The following SUN2 variants were observed in gnomAD, a reference collection of about 807,000 sequenced individuals.
SUN2 encodes SUN domain-containing protein 2.
A neutral mutation model predicts 100.0 loss-of-function variants in SUN2; 60 were observed. The ratio of observed to expected loss-of-function variants is 0.60; its 90% CI spans 0.49 to 0.74. The LOEUF (loss-of-function observed/expected upper bound fraction) is 0.74. Ranked by LOEUF, SUN2 falls within the 30% of genes least tolerant of loss-of-function variation. The pLI is 0.00. For missense variants in SUN2, 834 were observed against 954.6 expected, an observed-to-expected ratio of 0.87 and a Z score of 1.66; for synonymous variants, 367 against 403.3, an observed-to-expected ratio of 0.91 and a Z score of 1.08.
Position 38,751,234 on chromosome 22 carries a change from C to G in SUN2, c.262G>C (p.Glu88Gln). The G allele has an allele frequency of 6.2e-7, 1 of 1,613,600 alleles. No homozygotes were observed. Among genetic ancestry groups the G allele is most frequent in the Non-Finnish European group, 8.5e-7 (1 of 1,179,586 alleles). The change falls in exon 3 of 18, where the codon GAA becomes CAA. Residue 88 changes from glutamate to glutamine, a missense_variant. Glu to Gln is a conservative substitution (Grantham distance 29). This residue lies in a region of SUN2 where 559 missense variants were observed against 597.7 expected (regional missense o/e 0.94). Transcript: ENST00000689035. ...CCCCAGTTGGCGTCACCATGCAGTT[C>G]CTCCAGGGAGCTCCTGGGTGGGAAC... ...SWFPPRSSLEELHGDANWGED... is the reference protein window; with the variant it reads ...SWFPPRSSLEQLHGDANWGED...
intron 1 of SUN2, chr22:38,754,640 A>G: frequency 2.7e-6 from 3 of 1,127,674 alleles, no homozygotes; most frequent in Non-Finnish European, 2.3e-6. Context: ...TACGGTCCCT[A>G]CCTGAAGGCT....
chr22:38,752,749 G>A (rs1024240883), intron 1 of SUN2, 84 bp from the exon 2 acceptor site: 23 of 1,439,244 alleles, frequency 1.6e-5, no homozygotes, highest in African/African-American at 1.4e-4. Context: ...CAGAGGCATC[G>A]CCTCACAGCC....
chr22:38,753,210 CTTTTTTTTTTTTT>C (rs869037443), intron 1 of SUN2, among the ~76,000 whole-genome samples: 2 of 86,262 alleles, frequency 2.3e-5, no homozygotes, highest in East Asian at 3.6e-4. Flanking sequence ...CACCTATGTT[CTTTTTTTTTTTTT>C]TTTTTTTTTT....
intron 1 of SUN2, chr22:38,754,586 G>C (rs2092971113): frequency 9.3e-7 from 1 of 1,080,060 alleles, no homozygotes; most frequent in Admixed American, 2.3e-5. Flanking sequence ...CTCTATTCCT[G>C]TCCTTATAAG....
Position 38,741,047 on chromosome 22 carries a change from A to T in SUN2, c.1150T>A (p.Ser384Thr). 6.3e-7 allele frequency: 1 copy of T among 1,596,526 alleles called. No homozygotes were observed. The highest frequency in any genetic ancestry group is 1.7e-5 in the Admixed American group (1 of 57,496). Residue 384 changes from serine to threonine, a missense_variant, in exon 11 of 18, where the codon TCC (serine) becomes ACC (threonine). Transcript: ENST00000689035. ...TTCAGCTGCTGGATGCGAGCCTCGG[A>T]CTCCTGTGTAGGAAGAAGGGACAAA... ...FKKIVRASQE[S>T]EARIQQLKSE...
intron 2 of SUN2, among the ~76,000 whole-genome samples, chr22:38,751,808 G>A (rs555559859): frequency 4.6e-5 from 7 of 152,328 alleles, no homozygotes; most frequent in East Asian, 1.9e-4. Flanking sequence ...TGCTGAGGCC[G>A]GACAGGTGGT....
At chr22:38,744,261 CAA>C (rs35027225) in intron 8 of SUN2, among the ~76,000 whole-genome samples, 939 of 60,694 alleles carry the variant, frequency 0.015, 4 homozygotes, top group African/African-American at 0.044. Context: ...GACTCTGTCT[CAA>C]AAAAAAAAAA....
intron 1 of SUN2, chr22:38,754,640 AC>A: frequency 8.9e-7 from 1 of 1,127,674 alleles, no homozygotes; most frequent in Non-Finnish European, 1.1e-6. Flanking sequence ...TACGGTCCCT[AC>A]CTGAAGGCTC....
chr22:38,755,843 G>T lies in SUN2; in HGVS notation c.-118C>A. On this transcript the variant is annotated 5_prime_UTR_variant, in exon 1 of 18. Transcript: ENST00000689035. This position sits in a 1 kb window ranked among gnomAD's most constrained non-coding sequence, Gnocchi z 5.7. Reference sequence around the variant, plus strand: ...CGGGGCGCGCCCCCTTTCCGCGTGGGGATCCCGCGGGCGGCGCTCCGCTCA... The same window carrying T: ...CGGGGCGCGCCCCCTTTCCGCGTGGTGATCCCGCGGGCGGCGCTCCGCTCA... The T allele has an allele frequency of 2.0e-6, 2 of 982,962 alleles. No homozygotes were observed. The highest frequency in any genetic ancestry group is 2.4e-6 in the Non-Finnish European group (2 of 828,992). 60.9% of individuals were successfully genotyped at this position (982,962 alleles called of 1,614,324 possible).
In SUN2 at chr22:38,745,670, C is replaced by T. The variant is rs1231885906; in HGVS notation, c.813+14G>A. On this transcript the variant is annotated intron_variant, in intron 8 of 17. Coordinates refer to ENST00000689035, the MANE Select transcript of SUN2 (RefSeq NM_015374.3). ...TTGCTAAGCTCTTGGGAGCTACCAC[C>T]CTCAGAGACTCACCTGGAAATGTGG... 6.2e-7 allele frequency: 1 copy of T among 1,612,906 alleles called. No individual in the cohort carries two copies. Among genetic ancestry groups the T allele is most frequent in the East Asian group, 2.2e-5 (1 of 44,882 alleles).
intron 7 of SUN2, among the ~76,000 whole-genome samples, chr22:38,746,408 CCT>C (rs2092903790): frequency 6.6e-6 from 1 of 152,200 alleles, no homozygotes; most frequent in Non-Finnish European, 1.5e-5. Context: ...CTGTTTGATA[CCT>C]GTTTACTCCT....
At chr22:38,752,955 G>C (rs2092958477) in intron 1 of SUN2, among the ~76,000 whole-genome samples, 1 of 152,200 alleles carries the variant, frequency 6.6e-6, no homozygotes, top group African/African-American at 2.4e-5. Context: ...CAGTTTCCTT[G>C]TCTTTATCCT....
Position 38,739,846 on chromosome 22 carries a change from A to G in SUN2, c.1454T>C (p.Leu485Pro). 1 of 1,613,638 alleles carries G rather than the reference A, an allele frequency of 6.2e-7. No homozygotes were observed. Among genetic ancestry groups the G allele is most frequent in the Non-Finnish European group, 8.5e-7 (1 of 1,180,024 alleles). The change falls in exon 13 of 18, where the codon CTG becomes CCG. Residue 485 changes from leucine (L) to proline (P), a missense_variant. Transcript: ENST00000689035. The surrounding 1 kb of genome is among the most constrained non-coding windows in gnomAD (Gnocchi z 6.7). ...LLQREEMQAQ[L>P]RELESKILTH... ...GAGGATCTTGCTCTCCAGCTCTCGC[A>G]GCTGAGCTTGCATCTCCTCTCTCTG...
Position 38,738,001 on chromosome 22 carries a change from G to A in SUN2, c.2040+172C>T, listed in dbSNP as rs535796010. ...GGAAGGTGCCTTCCCCTGTGCTGAC[G>A]TCTGCAGGATGCGTGTTACACCCCA... On this transcript the variant is annotated intron_variant, in intron 17 of 17. Coordinates refer to ENST00000689035, the MANE Select transcript of SUN2 (RefSeq NM_015374.3). The surrounding 1 kb of genome is among the most constrained non-coding windows in gnomAD (Gnocchi z 6.6). The A allele has an allele frequency of 1.1e-4, 80 of 724,844 alleles. No individual in the cohort carries two copies. The highest frequency in any genetic ancestry group is 1.8e-4 in the Non-Finnish European group (69 of 392,776). The allele number at this position is 724,844 out of a possible 1,614,324, so 44.9% of individuals were successfully genotyped here.
intron 7 of SUN2, among the ~76,000 whole-genome samples, chr22:38,747,333 A>G (rs1373015472): frequency 6.8e-6 from 1 of 148,038 alleles, no homozygotes; most frequent in Non-Finnish European, 1.5e-5. Flanking sequence ...CTCCGTCTCA[A>G]AAAAAAAAAA....
At chr22:38,754,064 T>A (rs184359561) in intron 1 of SUN2, among the ~76,000 whole-genome samples, 2 of 152,232 alleles carry the variant, frequency 1.3e-5, no homozygotes, top group East Asian at 1.9e-4. Flanking sequence ...CCGGTCACCA[T>A]GTGGGGCAGA....
Position 38,738,174 on chromosome 22 carries a change from T to G in SUN2, c.2039A>C (p.Gln680Pro), listed in dbSNP as rs1486287848. The G allele has an allele frequency of 1.2e-6, 2 of 1,613,832 alleles. No homozygotes were observed. Among genetic ancestry groups the G allele is most frequent in the Admixed American group, 1.7e-5 (1 of 60,030 alleles). The change falls in exon 17 of 18, where the codon CAG becomes CCG. Residue 680 changes from glutamine (Q) to proline (P), a missense_variant and splice_region_variant. Gln to Pro is a moderately conservative substitution (Grantham distance 76, BLOSUM62 -1). Coordinates refer to ENST00000689035, the MANE Select transcript of SUN2 (RefSeq NM_015374.3). The surrounding 1 kb of genome is among the most constrained non-coding windows in gnomAD (Gnocchi z 6.6). Reference sequence around the variant, plus strand: ...TGCTAGCACAGCAGCATCCCGTACCTGAAAGTGAAACGTCTGAATAGGCTC... The same window carrying G: ...TGCTAGCACAGCAGCATCCCGTACCGGAAAGTGAAACGTCTGAATAGGCTC... ...DGEPIQTFHF[Q>P]APTMATYQVV...
At position 38,739,373 on chromosome 22, in the gene SUN2, G is replaced by T; in HGVS notation, c.1632C>A (p.Ile544=). The change falls in exon 14 of 18, where the codon ATC becomes ATA. Residue 544 remains isoleucine (I), a synonymous_variant. Coordinates refer to ENST00000689035, the MANE Select transcript of SUN2 (RefSeq NM_015374.3). This position sits in a 1 kb window ranked among gnomAD's most constrained non-coding sequence, Gnocchi z 6.7. The part of the protein sequence containing the change: ...QALQRYSEDR[I]GLADYALESG... Reference sequence around the variant, plus strand: ...ACTCCAGGGCGTAGTCTGCCAGCCCGATGCGGTCCTCACTGTAGCGCTGCA... The same window carrying T: ...ACTCCAGGGCGTAGTCTGCCAGCCCTATGCGGTCCTCACTGTAGCGCTGCA... The T allele has an allele frequency of 6.2e-7, 1 of 1,613,128 alleles. No individual in the cohort carries two copies. Among genetic ancestry groups the T allele is most frequent in the Non-Finnish European group, 8.5e-7 (1 of 1,180,014 alleles).
At chr22:38,751,527 A>G (rs2092946031) in intron 2 of SUN2, 154 bp from the exon 3 acceptor site, 1 of 717,258 alleles carries the variant, frequency 1.4e-6, no homozygotes, top group African/African-American at 1.8e-5. Context: ...TGACTCTCCC[A>G]ATGCTGGCAC....
Sources: allele counts gnomAD v4.1 joint callset (sites outside exome capture counted in the v4.1 genomes callset), GRCh38; gene constraint gnomAD v4.1.1; regional missense constraint gnomAD v4.1.1; non-coding constraint Gnocchi (gnomAD v3.1); transcripts MANE v1.5; gene names NCBI Gene and HGNC (gene_info 2026-07-23, HGNC 2026-07-21).